Variants in INO80 observed in about 807,000 individuals in gnomAD.
INO80 encodes chromatin-remodeling ATPase INO80.
In INO80, 20 loss-of-function variants were observed where a neutral mutation model predicts 203.4. The observed-to-expected ratio is 0.10, with a 90% CI of 0.07 to 0.14. The LOEUF is 0.14. Ranked by LOEUF, INO80 falls within the 10% of genes least tolerant of loss-of-function variation. The pLI is 1.00. For synonymous variants in INO80, 726 were observed against 685.2 expected (o/e 1.06, Z -0.93); for missense variants, 1,419 against 1,914.4 (o/e 0.74, Z 4.83).
rs981230396 is a variant in INO80 at position 41,104,192 on chromosome 15, G to A, written c.-43-7839C>T. ...CTGCACTCCAGCCTGGGCAATGAGA[G>A]CAAAACTCCATCTCAAAAAAAAAAA... is the stretch of plus-strand genomic sequence containing the variant. On this transcript the variant is annotated intron_variant, in intron 1 of 35. Coordinates refer to ENST00000648947, the MANE Select transcript of INO80 (RefSeq NM_017553.3). 6.6e-5 allele frequency among the ~76,000 whole-genome samples: 6 copies of A among 90,946 alleles called. No individual in the cohort carries two copies. The Admixed American group carries it at 7.0e-4, about 11-fold the overall frequency. The allele number at this position is 90,946 out of a possible 152,430, so 59.7% of individuals were successfully genotyped here.
chr15:41,054,597 A>C (rs1225611482), intron 18 of INO80, among the ~76,000 whole-genome samples: 1 of 152,224 alleles, frequency 6.6e-6, no homozygotes, highest in Non-Finnish European at 1.5e-5. Context: ...GCTTTGACCC[A>C]TTAGACCCAT....
In INO80 at chr15:41,092,024, T is replaced by C. The variant is rs958122781; in HGVS notation, c.537+3A>G. On this transcript the variant is annotated splice_donor_region_variant and intron_variant, in intron 5 of 35. Transcript: ENST00000648947. ...TTTGAAGTGTTTCTCCTGAAACTCT[T>C]ACCTCCTTGTCTTTACTATACTTAT... The C allele has an allele frequency of 7.5e-6, 12 of 1,596,918 alleles. No individual in the cohort carries two copies. Among genetic ancestry groups the C allele is most frequent in the African/African-American group, 1.3e-5 (1 of 74,582 alleles).
intron 24 of INO80, among the ~76,000 whole-genome samples, chr15:41,036,037 C>T (rs1260241487): frequency 6.7e-6 from 1 of 149,352 alleles, no homozygotes; most frequent in Non-Finnish European, 1.5e-5. Context: ...CACCTGTAAT[C>T]CCAGCTACTC....
intron 1 of INO80, among the ~76,000 whole-genome samples, chr15:41,108,700 G>A (rs1372202153): frequency 1.3e-5 from 2 of 151,808 alleles, no homozygotes; most frequent in East Asian, 1.9e-4. Flanking sequence ...GGTTCAATTC[G>A]ACTAATCATA....
At chr15:41,031,261 C>T (rs1384215119) in intron 24 of INO80, among the ~76,000 whole-genome samples, 1 of 151,906 alleles carries the variant, frequency 6.6e-6, no homozygotes, top group Non-Finnish European at 1.5e-5. Context: ...GCAACATGAA[C>T]TGCTAGACAT....
At chr15:41,016,261 G>A in intron 26 of INO80, 46 bp from the exon 27 acceptor site, 1 of 1,591,998 alleles carries the variant, frequency 6.3e-7, no homozygotes. Context: ...TTTAATTGAA[G>A]CGACAAAATC....
At chr15:41,047,318 A>G (rs974925909) in intron 23 of INO80, 90 bp downstream of exon 23, 2 of 808,024 alleles carry the variant, frequency 2.5e-6, no homozygotes, top group South Asian at 1.6e-5. Context: ...CTAAGATGAT[A>G]TCATATTAAA....
At chr15:41,106,746 A>G (rs1012026936) in intron 1 of INO80, among the ~76,000 whole-genome samples, 2 of 152,244 alleles carry the variant, frequency 1.3e-5, no homozygotes, top group Admixed American at 6.5e-5. Flanking sequence ...AAGTATGTAC[A>G]TATATCTATA....
intron 14 of INO80, among the ~76,000 whole-genome samples, chr15:41,061,647 T>A (rs1210091132): frequency 6.6e-6 from 1 of 151,380 alleles, no homozygotes; most frequent in Non-Finnish European, 1.5e-5. Flanking sequence ...AATAAAAAAA[T>A]TTAAAAATAA....
chr15:41,113,359 CG>C (rs1566954666), intron 1 of INO80, among the ~76,000 whole-genome samples: 1 of 151,968 alleles, frequency 6.6e-6, no homozygotes, highest in East Asian at 1.9e-4. Context: ...CTCCGCCTCC[CG>C]GGTTCAAGCG....
chr15:41,055,276 T>C lies in INO80; in HGVS notation c.2159A>G (p.His720Arg). 5.6e-6 allele frequency: 9 copies of C among 1,612,784 alleles called. No homozygotes were observed. The Middle Eastern group carries it at 1.5e-3, about 266-fold the overall frequency. The stretch of plus-strand genomic sequence containing the variant: ...ATCAATAGCAGATTTGTTTTCGGCA[T>C]GGCTCTCAATGTCCTTGGAAAACCA... Reference protein sequence around the residue: ...NEWFSKDIESHAENKSAIDEN... With the variant: ...NEWFSKDIESRAENKSAIDEN... The change falls in exon 18 of 36, where the codon CAT becomes CGT. Residue 720 changes from histidine (H) to arginine (R), a missense_variant. By Grantham distance (29) the His-to-Arg change is conservative. Transcript: ENST00000648947.
intron 5 of INO80, among the ~76,000 whole-genome samples, chr15:41,089,284 T>C (rs541722300): frequency 6.6e-6 from 1 of 152,328 alleles, no homozygotes; most frequent in East Asian, 1.9e-4. Context: ...AGGAAGGAAC[T>C]TTTTACATCA....
chr15:41,049,743 A>G lies in INO80; in HGVS notation c.2442+192T>C, dbSNP rs576451948. Among the ~76,000 whole-genome samples, 7 of 152,210 alleles carry G rather than the reference A, an allele frequency of 4.6e-5. No homozygotes were observed. The South Asian group carries it at 1.2e-3, about 27-fold the overall frequency. On this transcript the variant is annotated intron_variant, in intron 20 of 35. Coordinates refer to ENST00000648947, the MANE Select transcript of INO80 (RefSeq NM_017553.3). Reference sequence around the variant, plus strand: ...TCTACTAAAAATACAAAAATTAGCCAGGCGTGGTGGCAGGCTCCTGTAGTC... The same window carrying G: ...TCTACTAAAAATACAAAAATTAGCCGGGCGTGGTGGCAGGCTCCTGTAGTC...
At chr15:41,082,467 G>A (rs766671522) in intron 7 of INO80, among the ~76,000 whole-genome samples, 3 of 152,080 alleles carry the variant, frequency 2.0e-5, no homozygotes, top group African/African-American at 4.8e-5. Context: ...TTGGGAGGCC[G>A]AGGTGGTTGG....
intron 9 of INO80, among the ~76,000 whole-genome samples, chr15:41,076,242 T>A (rs948770550): frequency 9.9e-5 from 15 of 151,928 alleles, no homozygotes; most frequent in African/African-American, 3.4e-4. Flanking sequence ...GCGCCTGTAA[T>A]CCCAGCTACT....
intron 9 of INO80, among the ~76,000 whole-genome samples, chr15:41,077,544 A>G (rs1254034070): frequency 6.6e-6 from 1 of 152,172 alleles, no homozygotes; most frequent in Non-Finnish European, 1.5e-5. Context: ...TTTCAAACCT[A>G]AAGTGCTATC....
intron 22 of INO80, 95 bp downstream of exon 22, chr15:41,048,117 A>G: frequency 1.1e-6 from 1 of 925,070 alleles, no homozygotes; most frequent in Non-Finnish European, 1.7e-6. Context: ...ATATAGGCAA[A>G]ACTAATACTC....
intron 1 of INO80, among the ~76,000 whole-genome samples, chr15:41,103,580 G>A (rs1234139901): frequency 1.3e-5 from 2 of 152,110 alleles, no homozygotes; most frequent in South Asian, 2.1e-4. Context: ...CAGTAGAGAC[G>A]GGATTTTATC....
At chr15:41,065,185 C>G (rs1421468821) in intron 14 of INO80, among the ~76,000 whole-genome samples, 1 of 152,028 alleles carries the variant, frequency 6.6e-6, no homozygotes, top group Non-Finnish European at 1.5e-5. Context: ...CGCCTGTAAT[C>G]CTAGCACCTT....
Sources: allele counts gnomAD v4.1 joint callset (sites outside exome capture counted in the v4.1 genomes callset), GRCh38; gene constraint gnomAD v4.1.1; transcripts MANE v1.5; gene names NCBI Gene and HGNC (gene_info 2026-07-23, HGNC 2026-07-21).